Variants in GEMIN8 observed in about 807,000 individuals in gnomAD.
GEMIN8 encodes the protein gem nuclear organelle associated protein 8.
For synonymous variants in GEMIN8, 80 were observed against 78.5 expected (o/e 1.02, Z -0.10); for missense variants, 185 against 205.9 (o/e 0.90, Z 0.62).
chrX:14,028,993 G>C lies in GEMIN8; in HGVS notation c.-116+784C>G, dbSNP rs990250598. Among the ~76,000 whole-genome samples the C allele has an allele frequency of 2.7e-5, 3 of 112,044 alleles. No individual in the cohort carries two copies. The Admixed American group carries it at 2.8e-4, about 11-fold the overall frequency. On this transcript the variant is annotated intron_variant, in intron 1 of 4. Coordinates refer to ENST00000680255, the MANE Select transcript of GEMIN8 (RefSeq NM_001042479.2). ...TTTAAGTAATATTGTTCTGATTTGA[G>C]ATGAAGAACAGCTGAATACACAGCC...
the GEMIN8 span, among the ~76,000 whole-genome samples, chrX:13,992,746 C>T: frequency 2.7e-5 from 3 of 111,672 alleles, no homozygotes; most frequent in Non-Finnish European, 5.6e-5. Flanking sequence ...GGGTCCAGAT[C>T]GTGCCATGCT....
the GEMIN8 span, among the ~76,000 whole-genome samples, chrX:13,989,037 A>G: frequency 9.1e-6 from 1 of 110,087 alleles, no homozygotes; most frequent in African/African-American, 3.3e-5. Context: ...TTATAGTTTG[A>G]GTAAGAGCAG....
chrX:13,990,641 C>T, the GEMIN8 span, among the ~76,000 whole-genome samples: 2 of 112,722 alleles, frequency 1.8e-5, no homozygotes, highest in East Asian at 2.8e-4. Context: ...CTTGGAGACA[C>T]TTTTGCATAC....
chrX:14,027,899 A>G (rs1329030138), intron 1 of GEMIN8, among the ~76,000 whole-genome samples: 4 of 112,338 alleles, frequency 3.6e-5, no homozygotes, highest in South Asian at 3.7e-4. Flanking sequence ...GAGGAAACAG[A>G]TAAGTTTGTT....
At chrX:14,018,919 G>A (rs773714381) in intron 4 of GEMIN8, among the ~76,000 whole-genome samples, 3 of 109,248 alleles carry the variant, frequency 2.7e-5, no homozygotes, top group Non-Finnish European at 5.7e-5. Context: ...CACCTGGCTG[G>A]ATATACTTTC....
intron 1 of GEMIN8, among the ~76,000 whole-genome samples, chrX:14,028,234 A>G (rs1279282427): frequency 1.8e-5 from 2 of 111,382 alleles, no homozygotes; most frequent in Non-Finnish European, 3.8e-5. Context: ...TTCCAGCATA[A>G]AAATAATAGC....
intron 2 of GEMIN8, 97 bp downstream of exon 2, chrX:14,026,043 G>C: frequency 4.0e-6 from 3 of 748,204 alleles, no homozygotes; most frequent in Non-Finnish European, 4.7e-6. Context: ...CACCTTCAGA[G>C]ACTACTACCT....
intron 4 of GEMIN8, among the ~76,000 whole-genome samples, chrX:14,011,215 A>G (rs1923513122): frequency 3.6e-5 from 4 of 111,766 alleles, no homozygotes. Flanking sequence ...TCGTGCTTTT[A>G]GAAGGAAGAG....
At chrX:14,024,608 G>T (rs1057420308) in intron 2 of GEMIN8, among the ~76,000 whole-genome samples, 1 of 111,506 alleles carries the variant, frequency 9.0e-6, no homozygotes, top group African/African-American at 3.3e-5. Flanking sequence ...TATGTTAGAA[G>T]GCCTCAGAGA....
intron 1 of GEMIN8, among the ~76,000 whole-genome samples, chrX:14,026,606 CTATT>C (rs1173685932): frequency 8.9e-6 from 1 of 112,509 alleles, no homozygotes; most frequent in Non-Finnish European, 1.9e-5. Context: ...TAAAATGTGA[CTATT>C]TCCATCAAGT....
At chrX:13,996,662 C>T in the GEMIN8 span, among the ~76,000 whole-genome samples, 1 of 111,761 alleles carries the variant, frequency 8.9e-6, no homozygotes, top group Admixed American at 9.5e-5. Flanking sequence ...TAATCCTATA[C>T]TCTAAGCAGT....
the GEMIN8 span, among the ~76,000 whole-genome samples, chrX:13,999,348 C>T: frequency 3.0e-5 from 3 of 100,551 alleles, no homozygotes; most frequent in African/African-American, 1.1e-4. Context: ...GTGATCTCGG[C>T]TAACTGCATC....
At chrX:14,002,883 T>G (rs1292730562), downstream of GEMIN8, among the ~76,000 whole-genome samples, 2 of 111,513 alleles carry the variant, frequency 1.8e-5, no homozygotes, top group Non-Finnish European at 1.9e-5. Context: ...TCACTGGATG[T>G]TTTTTGAACT....
chrX:13,995,154 C>G, the GEMIN8 span, among the ~76,000 whole-genome samples: 7 of 111,956 alleles, frequency 6.3e-5, no homozygotes, highest in African/African-American at 2.3e-4. Flanking sequence ...TCAATGGCGA[C>G]ATTACCCCCA....
chrX:14,026,281 G>C, intron 1 of GEMIN8, 60 bp from the exon 2 acceptor site: 2 of 752,953 alleles, frequency 2.7e-6, no homozygotes, highest in Non-Finnish European at 3.1e-6. Flanking sequence ...CTACAAACCC[G>C]GCAGCCCTCT....
At chrX:14,027,482 C>T (rs1465849321) in intron 1 of GEMIN8, among the ~76,000 whole-genome samples, 2 of 112,698 alleles carry the variant, frequency 1.8e-5, no homozygotes, top group East Asian at 5.6e-4. Flanking sequence ...ATCTCCCCGT[C>T]TATAATAGCT....
chrX:13,999,355 C>T, the GEMIN8 span, among the ~76,000 whole-genome samples: 2 of 105,168 alleles, frequency 1.9e-5, no homozygotes, highest in African/African-American at 7.0e-5. Flanking sequence ...CGGCTAACTG[C>T]ATCCTCTGCC....
chrX:13,997,122 A>G, the GEMIN8 span, among the ~76,000 whole-genome samples: 1 of 109,510 alleles, frequency 9.1e-6, no homozygotes, highest in Non-Finnish European at 1.9e-5. Flanking sequence ...TTGCATTTTT[A>G]GTAGAGATGG....
At chrX:14,024,409 G>A (rs1311865810) in intron 2 of GEMIN8, among the ~76,000 whole-genome samples, 1 of 111,628 alleles carries the variant, frequency 9.0e-6, no homozygotes, top group Non-Finnish European at 1.9e-5. Context: ...TGAGGCACAA[G>A]AATTGCTTGA....
Sources: gnomAD v4.1 joint callset for allele counts (sites outside exome capture counted in the v4.1 genomes callset) on GRCh38, gnomAD v4.1.1 for gene constraint, MANE v1.5 for transcripts, NCBI Gene and HGNC (gene_info 2026-07-23, HGNC 2026-07-21) for gene names.